Variants in AAMDC observed in about 807,000 individuals in gnomAD.
AAMDC encodes adipogenesis associated Mth938 domain containing, also known as mth938 domain-containing protein.
In AAMDC, 16 loss-of-function variants were observed where a neutral mutation model predicts 15.5. The observed-to-expected ratio is 1.03, with a 90% confidence interval of 0.70 to 1.57. The LOEUF (loss-of-function observed/expected upper bound fraction) is 1.57, where lower values mean the gene tolerates loss of function less well. Ranked by LOEUF, AAMDC falls within the 40% of genes most tolerant of loss-of-function variation. AAMDC has a pLI of 0.00. For missense variants in AAMDC, 141 were observed against 144.9 expected (o/e 0.97, Z 0.14); for synonymous variants, 51 against 51.6 (o/e 0.99, Z 0.05).
chr11:77,850,434 C>T (rs77715792), intron 2 of AAMDC, among the ~76,000 whole-genome samples: 3,098 of 152,206 alleles, frequency 0.02, 95 homozygotes, highest in African/African-American at 0.07. Flanking sequence ...TTGCTCATTT[C>T]TATCCTAAGG....
At chr11:77,835,996 C>A (rs1949666901) in intron 1 of AAMDC, among the ~76,000 whole-genome samples, 1 of 152,054 alleles carries the variant, frequency 6.6e-6, no homozygotes, top group African/African-American at 2.4e-5. Context: ...GTCAGACAGA[C>A]TTGGATTCAA....
intron 1 of AAMDC, among the ~76,000 whole-genome samples, chr11:77,828,744 AAC>A (rs1277969373): frequency 2.6e-4 from 39 of 152,212 alleles, no homozygotes; most frequent in African/African-American, 9.2e-4. Flanking sequence ...ATGGGAAGAA[AAC>A]ACATATTCAT....
At chr11:77,879,098 G>A (rs760467454) in intron 5 of AAMDC, 2 of 1,614,040 alleles carry the variant, frequency 1.2e-6, no homozygotes, top group African/African-American at 2.7e-5. Context: ...TTGTAGGCCA[G>A]CAGCAGCCTC....
At chr11:77,864,568 A>G (rs551540489) in intron 2 of AAMDC, among the ~76,000 whole-genome samples, 102 of 152,268 alleles carry the variant, frequency 6.7e-4, no homozygotes, top group Non-Finnish European at 1.3e-3. Flanking sequence ...CACTAGAAAT[A>G]AACTCAGTGA....
chr11:77,831,657 A>G (rs1301285563), intron 1 of AAMDC, among the ~76,000 whole-genome samples: 2 of 150,196 alleles, frequency 1.3e-5, no homozygotes, highest in African/African-American at 4.9e-5. Flanking sequence ...TCCACACAAC[A>G]TGAAAGAAGC....
chr11:77,825,217 T>C (rs629679), intron 1 of AAMDC, among the ~76,000 whole-genome samples: 117,819 of 151,678 alleles, frequency 0.78, 45,832 homozygotes, highest in East Asian at 0.91. Context: ...CTCCTGACCT[T>C]GTGATCTGCT....
intron 1 of AAMDC, among the ~76,000 whole-genome samples, chr11:77,823,231 A>AAG (rs1555004899): frequency 1.7e-4 from 26 of 151,040 alleles, no homozygotes; most frequent in Non-Finnish European, 2.5e-4. Context: ...AAAAAAAAAA[A>AAG]AAAGAAATTA....
chr11:77,891,594 T>G (rs1258018208), intron 5 of AAMDC: 2 of 1,579,042 alleles, frequency 1.3e-6, no homozygotes, highest in Non-Finnish European at 1.7e-6. Context: ...CTAGCCCAGC[T>G]GCTCCACTGG....
chr11:77,901,684 TGAAA>T (rs1196192595), downstream of AAMDC: 2 of 678,676 alleles, frequency 2.9e-6, no homozygotes, highest in African/African-American at 3.7e-5. Flanking sequence ...TTTTAAGTGT[TGAAA>T]GAAATTAGTA....
chr11:77,840,701 A>G (rs1306422834), intron 1 of AAMDC, among the ~76,000 whole-genome samples: 1 of 152,028 alleles, frequency 6.6e-6, no homozygotes, highest in African/African-American at 2.4e-5. Flanking sequence ...GAGCCACCAC[A>G]CTCAGCCCCA....
At chr11:77,883,926 C>A in intron 5 of AAMDC, 1 of 1,613,296 alleles carries the variant, frequency 6.2e-7, no homozygotes, top group Non-Finnish European at 8.5e-7. Context: ...GGTGAATCAT[C>A]TGAGCCTGGC....
chr11:77,888,016 T>G (rs1952093086), intron 5 of AAMDC, among the ~76,000 whole-genome samples: 1 of 152,182 alleles, frequency 6.6e-6, no homozygotes, highest in Non-Finnish European at 1.5e-5. Context: ...ATTTATACAT[T>G]CAATGCCATC....
intron 2 of AAMDC, among the ~76,000 whole-genome samples, chr11:77,865,815 T>C (rs1951084207): frequency 1.3e-5 from 2 of 152,248 alleles, no homozygotes; most frequent in South Asian, 4.1e-4. Flanking sequence ...TCCTCTATAA[T>C]CTTACATATC....
At chr11:77,874,081 C>CAA (rs1354679421), downstream of AAMDC, among the ~76,000 whole-genome samples, 1 of 152,084 alleles carries the variant, frequency 6.6e-6, no homozygotes, top group Non-Finnish European at 1.5e-5. Flanking sequence ...TATTTTTTTC[C>CAA]AAGTTCTCCA....
At chr11:77,829,636 C>G (rs1949330617) in intron 1 of AAMDC, 1 of 152,074 alleles carries the variant, frequency 6.6e-6, no homozygotes, top group Non-Finnish European at 1.5e-5. Context: ...TTTGTGAGAC[C>G]TGAAACTAAA....
chr11:77,895,527 GAAAAAAAAA>G (rs71046921), intron 5 of AAMDC, among the ~76,000 whole-genome samples: 21 of 39,254 alleles, frequency 5.3e-4, no homozygotes, highest in African/African-American at 1.8e-3. Flanking sequence ...TTCTTTTCCT[GAAAAAAAAA>G]AAAAAAAAAA....
downstream of AAMDC, among the ~76,000 whole-genome samples, chr11:77,874,372 CTTT>C (rs560821678): frequency 9.7e-5 from 13 of 134,516 alleles, no homozygotes; most frequent in African/African-American, 1.1e-4. Flanking sequence ...GTGATGCAGT[CTTT>C]TTTTTTTTTT....
At chr11:77,837,016 T>A (rs545080017) in intron 1 of AAMDC, among the ~76,000 whole-genome samples, 2 of 152,392 alleles carry the variant, frequency 1.3e-5, no homozygotes, top group Admixed American at 1.3e-4. Context: ...TTCTCTACTG[T>A]AGTATTAGAT....
intron 1 of AAMDC, among the ~76,000 whole-genome samples, chr11:77,825,944 G>A (rs960544854): frequency 6.6e-6 from 1 of 151,800 alleles, no homozygotes. Flanking sequence ...TGCTCACCTC[G>A]GCCTCCCAAA....
Sources: gnomAD v4.1 joint callset for allele counts (sites outside exome capture counted in the v4.1 genomes callset) on GRCh38, gnomAD v4.1.1 for gene constraint, MANE v1.5 for transcripts, NCBI Gene and HGNC (gene_info 2026-07-23, HGNC 2026-07-21) for gene names.